The following NFATC1 variants were observed in gnomAD, a reference collection of about 807,000 sequenced individuals.
NFATC1 encodes the protein nuclear factor of activated T-cells, cytoplasmic 1.
NFATC1 carries 22 observed loss-of-function variants against 76.0 expected under a neutral mutation model. The ratio of observed to expected loss-of-function variants is 0.29; its 90% CI spans 0.21 to 0.41. NFATC1 has a LOEUF of 0.41. Among genes scored for constraint, NFATC1 ranks in the 10% least tolerant of loss-of-function variants. NFATC1 has a pLI of 1.00. For missense variants in NFATC1, 1,357 were observed against 1,337.7 expected, an observed-to-expected ratio of 1.01 and a Z score of -0.23; for synonymous variants, 704 against 613.1, an observed-to-expected ratio of 1.15 and a Z score of -2.19.
chr18:79,458,047 C>T (rs1056743242), intron 6 of NFATC1, among the ~76,000 whole-genome samples: 1 of 152,216 alleles, frequency 6.6e-6, no homozygotes, highest in African/African-American at 2.4e-5. Flanking sequence ...AACCTCAGTG[C>T]GTGAGTCCTG....
chr18:79,513,992 C>T (rs963557838), intron 9 of NFATC1, among the ~76,000 whole-genome samples: 4 of 152,156 alleles, frequency 2.6e-5, no homozygotes, highest in African/African-American at 4.8e-5. Flanking sequence ...CTGTGAAGGC[C>T]GTGCTGATCT....
chr18:79,504,198 C>T (rs1053214649), intron 9 of NFATC1, among the ~76,000 whole-genome samples: 5 of 152,208 alleles, frequency 3.3e-5, no homozygotes, highest in Non-Finnish European at 7.3e-5. Flanking sequence ...TGGACTGGCG[C>T]GGGAGGCTGA....
intron 6 of NFATC1, chr18:79,452,082 CAG>C (rs1218557170): frequency 8.6e-6 from 3 of 347,890 alleles, no homozygotes; most frequent in African/African-American, 4.3e-5. Flanking sequence ...TGCTGATACT[CAG>C]GGAGCCCACG....
In NFATC1 at chr18:79,435,993, G is replaced by A. The variant is rs565831404; in HGVS notation, c.1386+2255G>A. ...TGGATTTCTGTCTCTGCAAGTGTGAGGTAAAAGCAGCTAAAAAGAGGGGGT... is the reference window on the plus strand; with the variant it reads ...TGGATTTCTGTCTCTGCAAGTGTGAAGTAAAAGCAGCTAAAAAGAGGGGGT... On this transcript the variant is annotated intron_variant, in intron 3 of 9. Transcript: ENST00000427363. 2.6e-5 allele frequency among the ~76,000 whole-genome samples: 4 copies of A among 152,182 alleles called. No individual in the cohort carries two copies. In the South Asian group the frequency reaches 6.2e-4, roughly 24 times the overall value.
chr18:79,441,788 C>T (rs898631915), intron 3 of NFATC1, among the ~76,000 whole-genome samples: 26 of 152,066 alleles, frequency 1.7e-4, no homozygotes, highest in African/African-American at 5.6e-4. Context: ...CACGGGGTTG[C>T]GGCGTTTCCC....
At chr18:79,408,892 CCATCATCCATCCAT>C (rs1568920831) in intron 1 of NFATC1, among the ~76,000 whole-genome samples, 10 of 150,462 alleles carry the variant, frequency 6.6e-5, no homozygotes, top group Non-Finnish European at 1.5e-5. Flanking sequence ...ATCCATCCAT[CCATCATCCATCCAT>C]CATCATCCAT....
At chr18:79,479,743 GCCGGGTGCCT>G (rs2089207560) in intron 8 of NFATC1, among the ~76,000 whole-genome samples, 1 of 152,246 alleles carries the variant, frequency 6.6e-6, no homozygotes, top group Admixed American at 6.5e-5. Context: ...CCCTGTGGGT[GCCGGGTGCCT>G]CGCGCATCCC....
intron 1 of NFATC1, among the ~76,000 whole-genome samples, chr18:79,401,808 G>A (rs947962441): frequency 3.9e-5 from 6 of 152,194 alleles, no homozygotes; most frequent in Admixed American, 2.0e-4. Flanking sequence ...GTACACCCCC[G>A]GTCGTTCACA....
chr18:79,512,659 T>C (rs1371763980), intron 9 of NFATC1, among the ~76,000 whole-genome samples: 1 of 152,210 alleles, frequency 6.6e-6, no homozygotes, highest in Non-Finnish European at 1.5e-5. Flanking sequence ...CCTCCCCCGT[T>C]TGCTGAGCCG....
At position 79,425,055 on chromosome 18, in the gene NFATC1, TTCTCTCTCTGTTTCTC is replaced by T. The variant is rs1416980523; in HGVS notation, c.1227-8518_1227-8503del. Among the ~76,000 whole-genome samples, 3 of 65,650 alleles carry T rather than the reference TTCTCTCTCTGTTTCTC, an allele frequency of 4.6e-5. No individual in the cohort carries two copies. In the South Asian group the frequency reaches 1.2e-3, roughly 26 times the overall value. 43.1% of individuals were successfully genotyped at this position (65,650 alleles called of 152,430 possible). A position where few individuals can be genotyped will look rare whatever the true frequency, so the allele number is the denominator to read the frequency against. On this transcript the variant is annotated intron_variant, in intron 2 of 9. Coordinates refer to ENST00000427363, the MANE Select transcript of NFATC1 (RefSeq NM_001278669.2). Reference sequence around the variant, plus strand: ...TCTCCATCTCTCTCTCCGTCTCTGTTTCTCTCTCTGTTTCTCTCTCTGTCTCTCCATCTCTGTCTCT... The same window carrying T: ...TCTCCATCTCTCTCTCCGTCTCTGTTTCTCTGTCTCTCCATCTCTGTCTCT...
In NFATC1 at chr18:79,433,589, C is replaced by T. The variant is rs1319758688; in HGVS notation, c.1237C>T (p.Pro413Ser). The stretch of plus-strand genomic sequence containing the variant: ...TCTGTTCCCTTCCAGCCCGACCCTG[C>T]CCGCCCTGGACTGGCAGCTGCCGTC... Reference protein sequence around the residue: ...SPTSYMSPTLPALDWQLPSHS... With the variant: ...SPTSYMSPTLSALDWQLPSHS... Residue 413 changes from proline (P) to serine (S), a missense_variant, in exon 3 of 10, where the codon CCC becomes TCC. Coordinates refer to ENST00000427363, the MANE Select transcript of NFATC1 (RefSeq NM_001278669.2). 2 of 1,613,108 alleles carry T rather than the reference C, an allele frequency of 1.2e-6. No homozygotes were observed. The highest frequency in any genetic ancestry group is 8.5e-7 in the Non-Finnish European group (1 of 1,179,944).
chr18:79,491,639 T>C (rs938134163), intron 9 of NFATC1, among the ~76,000 whole-genome samples: 1 of 152,176 alleles, frequency 6.6e-6, no homozygotes, highest in Non-Finnish European at 1.5e-5. Context: ...CGGGTCCACT[T>C]TCCAGCCTCC....
At chr18:79,476,344 C>T (rs567586496) in intron 8 of NFATC1, among the ~76,000 whole-genome samples, 39 of 152,392 alleles carry the variant, frequency 2.6e-4, no homozygotes, top group South Asian at 1.2e-3. Context: ...GCGTGAGTCA[C>T]GCGCCCCACA....
intron 2 of NFATC1, among the ~76,000 whole-genome samples, chr18:79,424,975 C>CTCTCTGTCTCTGTCTCTCTG (rs200805686): frequency 6.9e-6 from 1 of 145,298 alleles, no homozygotes; most frequent in African/African-American, 2.7e-5. Flanking sequence ...CCGTCTCTGT[C>CTCTCTGTCTCTGTCTCTCTG]TCTCTGTCTC....
chr18:79,424,713 C>A (rs775772135), intron 2 of NFATC1, among the ~76,000 whole-genome samples: 1 of 151,764 alleles, frequency 6.6e-6, no homozygotes, highest in Non-Finnish European at 1.5e-5. Flanking sequence ...TTCTCTGTGT[C>A]TGTCTCTGTC....
At chr18:79,447,167 G>A (rs1162990811) in intron 3 of NFATC1, among the ~76,000 whole-genome samples, 3 of 152,218 alleles carry the variant, frequency 2.0e-5, no homozygotes, top group South Asian at 2.1e-4. Flanking sequence ...ACCACACGGC[G>A]GCTGAGGCTA....
Position 79,451,093 on chromosome 18 carries a change from T to G in NFATC1, c.1729T>G (p.Ser577Ala). The G allele has an allele frequency of 6.2e-7, 1 of 1,612,926 alleles. No individual in the cohort carries two copies. The highest frequency in any genetic ancestry group is 8.5e-7 in the Non-Finnish European group (1 of 1,179,700). The change falls in exon 5 of 10, where the codon TCC (serine) becomes GCC (alanine). Residue 577 changes from serine (S) to alanine (A), a missense_variant. Ser to Ala is a moderately conservative substitution (Grantham distance 99, BLOSUM62 1). Transcript: ENST00000427363. ...HVPQPSGRTLSLQVASNPIEC... is the reference protein window; with the variant it reads ...HVPQPSGRTLALQVASNPIEC... ...CCCGCAACCCAGCGGCCGCACGCTG[T>G]CCCTGCAGGTGGCCTCCAACCCCAT... is the stretch of plus-strand genomic sequence containing the variant.
At chr18:79,414,686 C>A (rs1290825300) in intron 2 of NFATC1, among the ~76,000 whole-genome samples, 1 of 152,150 alleles carries the variant, frequency 6.6e-6, no homozygotes. Flanking sequence ...GCACAGGAAT[C>A]ACAGGCCACC....
chr18:79,402,071 C>T (rs1311778636), intron 1 of NFATC1, among the ~76,000 whole-genome samples: 3 of 152,234 alleles, frequency 2.0e-5, no homozygotes, highest in Non-Finnish European at 4.4e-5. Flanking sequence ...TGGCTTGGCA[C>T]GTGGTCAGCG....
Sources: allele counts gnomAD v4.1 joint callset (sites outside exome capture counted in the v4.1 genomes callset), GRCh38; gene constraint gnomAD v4.1.1; transcripts MANE v1.5; gene names NCBI Gene and HGNC (gene_info 2026-07-23, HGNC 2026-07-21).